PRR16: variants seen among roughly 807,000 people sequenced by gnomAD.
PRR16 encodes the protein proline rich 16, also known as protein Largen.
Under a neutral mutation model 18.2 loss-of-function variants are expected in PRR16, and 6 were observed. The observed-to-expected ratio is 0.33, with a 90% CI of 0.18 to 0.65. PRR16 has a LOEUF of 0.65. PRR16 is among the 30% of genes least tolerant of loss of function. The pLI is 0.74. For missense variants in PRR16, 412 were observed against 376.6 expected (o/e 1.09, Z -0.78); for synonymous variants, 151 against 147.8 (o/e 1.02, Z -0.16).
At chr5:120,668,756 T>C (rs1316040708) in intron 1 of PRR16, among the ~76,000 whole-genome samples, 2 of 152,198 alleles carry the variant, frequency 1.3e-5, no homozygotes, top group Non-Finnish European at 2.9e-5. Flanking sequence ...TGAAAATTCT[T>C]TTCTTTAAGA....
chr5:120,474,875 TTG>T (rs1469508626), intron 1 of PRR16, among the ~76,000 whole-genome samples: 1 of 152,152 alleles, frequency 6.6e-6, no homozygotes, highest in Non-Finnish European at 1.5e-5. Context: ...GCCAGTTAGT[TTG>T]TGAGTGAGAT....
chr5:120,784,141 C>A, the PRR16 span, among the ~76,000 whole-genome samples: 5 of 152,110 alleles, frequency 3.3e-5, no homozygotes, highest in East Asian at 9.6e-4. Flanking sequence ...CATATCTTGG[C>A]TATTGTGAGT....
intron 1 of PRR16, among the ~76,000 whole-genome samples, chr5:120,530,287 ATTTATTTATT>A (rs1561533184): frequency 5.2e-4 from 69 of 132,332 alleles, no homozygotes; most frequent in African/African-American, 2.0e-3. Context: ...ATATATATTT[ATTTATTTATT>A]TATTTATTTA....
the PRR16 span, among the ~76,000 whole-genome samples, chr5:120,719,316 T>C: frequency 6.6e-6 from 1 of 151,984 alleles, no homozygotes; most frequent in African/African-American, 2.4e-5. Context: ...GTGATGGCAT[T>C]TTTGGTTTGA....
chr5:120,725,000 C>A, the PRR16 span, among the ~76,000 whole-genome samples: 64 of 152,014 alleles, frequency 4.2e-4, no homozygotes, highest in African/African-American at 1.5e-3. Context: ...GTGAACATGT[C>A]ATCCTTTTAT....
intron 1 of PRR16, among the ~76,000 whole-genome samples, chr5:120,590,455 C>T (rs977258211): frequency 4.6e-5 from 7 of 152,034 alleles, no homozygotes; most frequent in Admixed American, 1.3e-4. Context: ...TTACTTTATA[C>T]TTATTCTGTT....
chr5:120,756,958 TCTTTA>T, the PRR16 span, among the ~76,000 whole-genome samples: 1 of 152,100 alleles, frequency 6.6e-6, no homozygotes, highest in Non-Finnish European at 1.5e-5. Flanking sequence ...ATTTAATCCT[TCTTTA>T]GTTAATTTAG....
chr5:120,593,848 A>G (rs889426586), intron 1 of PRR16, among the ~76,000 whole-genome samples: 1 of 152,214 alleles, frequency 6.6e-6, no homozygotes, highest in Admixed American at 6.5e-5. Context: ...TTGGCTCAAC[A>G]TATGCAAATC....
At chr5:120,561,011 C>T (rs2061352358) in intron 1 of PRR16, among the ~76,000 whole-genome samples, 1 of 151,974 alleles carries the variant, frequency 6.6e-6, no homozygotes, top group African/African-American at 2.4e-5. Flanking sequence ...TGTCTTCTCT[C>T]TTCATTCTTG....
At chr5:120,680,125 T>C (rs1756926638) in intron 1 of PRR16, among the ~76,000 whole-genome samples, 1 of 152,098 alleles carries the variant, frequency 6.6e-6, no homozygotes. Context: ...ACAATAAAAT[T>C]TATTTAACAG....
At chr5:120,567,495 A>G (rs930323204) in intron 1 of PRR16, among the ~76,000 whole-genome samples, 2 of 152,174 alleles carry the variant, frequency 1.3e-5, no homozygotes, top group African/African-American at 4.8e-5. Context: ...TCTGAGGGTC[A>G]GCCCTGTGCA....
chr5:120,627,367 A>G (rs1754902184), intron 1 of PRR16, among the ~76,000 whole-genome samples: 1 of 152,122 alleles, frequency 6.6e-6, no homozygotes, highest in Admixed American at 6.6e-5. Context: ...AGTAGATATC[A>G]TAGCTGGATT....
the PRR16 span, among the ~76,000 whole-genome samples, chr5:120,702,604 A>T: frequency 6.6e-6 from 1 of 152,128 alleles, no homozygotes; most frequent in East Asian, 1.9e-4. Flanking sequence ...GTGTCCGTGA[A>T]ATGATTAAAC....
intron 1 of PRR16, among the ~76,000 whole-genome samples, chr5:120,511,056 C>G (rs1395062302): frequency 6.6e-6 from 1 of 152,164 alleles, no homozygotes; most frequent in East Asian, 1.9e-4. Context: ...GCTCCATACA[C>G]AAGCGCCCAG....
intron 1 of PRR16, among the ~76,000 whole-genome samples, chr5:120,634,662 T>A (rs1413640826): frequency 6.6e-6 from 1 of 151,752 alleles, no homozygotes; most frequent in Non-Finnish European, 1.5e-5. Context: ...AAAAATTAAG[T>A]CTGAAAGATA....
the PRR16 span, among the ~76,000 whole-genome samples, chr5:120,786,298 A>G: frequency 6.6e-6 from 1 of 151,670 alleles, no homozygotes; most frequent in Non-Finnish European, 1.5e-5. Flanking sequence ...TTTCATGGAA[A>G]CCAGATACTG....
chr5:120,596,892 A>G (rs975715931), intron 1 of PRR16, among the ~76,000 whole-genome samples: 1 of 151,656 alleles, frequency 6.6e-6, no homozygotes, highest in African/African-American at 2.4e-5. Flanking sequence ...TCTTTCTAGA[A>G]CTTCTGGTTA....
intron 1 of PRR16, among the ~76,000 whole-genome samples, chr5:120,505,932 GTA>G (rs60625271): frequency 0.04 from 5,511 of 139,214 alleles, 263 homozygotes; most frequent in African/African-American, 0.12. Context: ...ATATATGTGT[GTA>G]TGTGTGTGTG....
the PRR16 span, among the ~76,000 whole-genome samples, chr5:120,786,373 C>T: frequency 6.6e-6 from 1 of 151,684 alleles, no homozygotes; most frequent in African/African-American, 2.4e-5. Flanking sequence ...AATGGATAAA[C>T]TGTATCTGGT....
Sources: allele counts gnomAD v4.1 joint callset (sites outside exome capture counted in the v4.1 genomes callset), GRCh38; gene constraint gnomAD v4.1.1; transcripts MANE v1.5; gene names NCBI Gene and HGNC (gene_info 2026-07-23, HGNC 2026-07-21).